The following MALRD1 variants were observed in gnomAD, a reference collection of about 807,000 sequenced individuals.
The protein encoded by MALRD1 is MAM and LDL-receptor class A domain-containing protein 1.
MALRD1 carries 247 observed loss-of-function variants against 242.1 expected under a neutral mutation model. The observed-to-expected ratio is 1.02, with a 90% CI of 0.92 to 1.13. The LOEUF (loss-of-function observed/expected upper bound fraction) is 1.13. Among genes scored for constraint, MALRD1 ranks in the 50% most tolerant of loss-of-function variants. The pLI is 0.00. For synonymous variants in MALRD1, 995 were observed against 866.6 expected (o/e 1.15, Z -2.60); for missense variants, 2,989 against 2,533.1 (o/e 1.18, Z -3.86).
intron 36 of MALRD1, among the ~76,000 whole-genome samples, chr10:19,673,067 G>A (rs2131768728): frequency 1.3e-5 from 2 of 152,110 alleles, no homozygotes; most frequent in Middle Eastern, 3.4e-3. Flanking sequence ...CTCCCACAAG[G>A]TCCTCTGCTT....
intron 10 of MALRD1, among the ~76,000 whole-genome samples, chr10:19,140,908 T>G (rs1833516232): frequency 6.6e-6 from 1 of 152,144 alleles, no homozygotes; most frequent in South Asian, 2.1e-4. Flanking sequence ...TATTGTATAC[T>G]TGAAATTTGC....
chr10:19,313,759 G>C (rs961519278), intron 21 of MALRD1, among the ~76,000 whole-genome samples: 11 of 151,370 alleles, frequency 7.3e-5, no homozygotes, highest in Admixed American at 1.3e-4. Flanking sequence ...TTTTATTCAT[G>C]TGTTTATACT....
intron 29 of MALRD1, among the ~76,000 whole-genome samples, chr10:19,474,214 G>A (rs1351839369): frequency 6.6e-6 from 1 of 152,004 alleles, no homozygotes; most frequent in African/African-American, 2.4e-5. Flanking sequence ...GTTTTAAGCA[G>A]TCATTTTTTT....
intron 4 of MALRD1, among the ~76,000 whole-genome samples, chr10:19,095,960 G>A (rs1249524601): frequency 6.6e-6 from 1 of 152,156 alleles, no homozygotes; most frequent in African/African-American, 2.4e-5. Flanking sequence ...AGTGAGATGA[G>A]AATCTTATCT....
chr10:19,405,664 C>G (rs1847064094), intron 28 of MALRD1, among the ~76,000 whole-genome samples: 2 of 152,162 alleles, frequency 1.3e-5, no homozygotes, highest in Admixed American at 1.3e-4. Flanking sequence ...TGGCTGTACT[C>G]AGAGTACAAA....
chr10:19,306,075 C>CTATATACTATATATACTATATACAA (rs1842169812), intron 21 of MALRD1, among the ~76,000 whole-genome samples: 1 of 111,804 alleles, frequency 8.9e-6, no homozygotes, highest in Admixed American at 1.1e-4. Context: ...ACTATATATA[C>CTATATACTATATATACTATATACAA]TATATACTAT....
At chr10:19,503,432 C>T (rs954139459) in intron 31 of MALRD1, among the ~76,000 whole-genome samples, 3 of 152,210 alleles carry the variant, frequency 2.0e-5, no homozygotes, top group Non-Finnish European at 2.9e-5. Context: ...CACTGCCCAT[C>T]ACAGGGCTAT....
chr10:19,657,503 A>G (rs1000377990), intron 36 of MALRD1, among the ~76,000 whole-genome samples: 2 of 152,094 alleles, frequency 1.3e-5, no homozygotes, highest in South Asian at 2.1e-4. Context: ...AGAAATGACT[A>G]CAAAGACAGT....
intron 36 of MALRD1, among the ~76,000 whole-genome samples, chr10:19,656,358 A>G (rs921033473): frequency 6.6e-6 from 1 of 152,194 alleles, no homozygotes; most frequent in African/African-American, 2.4e-5. Context: ...AATAGCCTAT[A>G]TATTCCTCTT....
intron 28 of MALRD1, among the ~76,000 whole-genome samples, chr10:19,396,601 T>C (rs1846591019): frequency 1.3e-5 from 2 of 152,220 alleles, no homozygotes; most frequent in Admixed American, 1.3e-4. Flanking sequence ...AAAACAATTC[T>C]AGCTTCTATA....
chr10:19,383,821 G>A (rs551108873), intron 26 of MALRD1, among the ~76,000 whole-genome samples: 8 of 151,852 alleles, frequency 5.3e-5, no homozygotes, highest in African/African-American at 1.9e-4. Context: ...GCTAAGCCCT[G>A]GGTCTGCAGC....
intron 32 of MALRD1, among the ~76,000 whole-genome samples, chr10:19,535,293 T>TA (rs1005534630): frequency 3.3e-5 from 5 of 152,080 alleles, no homozygotes; most frequent in African/African-American, 1.2e-4. Flanking sequence ...GGAAACACTG[T>TA]AGAACAATTA....
At chr10:19,700,019 TAGACACACACACACAC>T (rs1249063237) in intron 38 of MALRD1, among the ~76,000 whole-genome samples, 3 of 119,426 alleles carry the variant, frequency 2.5e-5, no homozygotes, top group African/African-American at 7.3e-5. Flanking sequence ...GAAATTGATT[TAGACACACACACACAC>T]ACACACACAC....
intron 2 of MALRD1, among the ~76,000 whole-genome samples, chr10:19,075,982 A>G (rs1835304654): frequency 1.3e-5 from 2 of 152,078 alleles, no homozygotes; most frequent in South Asian, 4.1e-4. Context: ...AAGAGGAACA[A>G]TTCTAAAAGT....
In MALRD1 at chr10:19,530,404, T is replaced by TTTATATAAATATATA. The variant is rs1564417312; in HGVS notation, c.5321-790_5321-789insTTATATAAATATATA. On this transcript the variant is annotated intron_variant, in intron 31 of 39. Transcript: ENST00000454679. ...ATATTATATATTTATATAAATATTA[T>TTTATATAAATATATA]ATATTTATATAATAATAAATATATA... is the stretch of plus-strand genomic sequence containing the variant. 7.5e-3 allele frequency among the ~76,000 whole-genome samples: 145 copies of TTTATATAAATATATA among 19,250 alleles called. 13 individuals carry two copies. Among genetic ancestry groups the TTTATATAAATATATA allele is most frequent in the Non-Finnish European group, 0.014 (128 of 9,316 alleles). 12.6% of individuals were successfully genotyped at this position (19,250 alleles called of 152,430 possible).
At chr10:19,400,467 A>T (rs1200206909) in intron 28 of MALRD1, among the ~76,000 whole-genome samples, 1 of 152,144 alleles carries the variant, frequency 6.6e-6, no homozygotes, top group Admixed American at 6.5e-5. Context: ...AGGCTTCATG[A>T]CGCAGACCTC....
chr10:19,175,239 A>G lies in MALRD1; in HGVS notation c.1862A>G (p.Asn621Ser). Residue 621 changes from asparagine (N) to serine (S), a missense_variant, in exon 14 of 40, where the codon AAT becomes AGT. By Grantham distance (46) the Asn-to-Ser change is conservative. Transcript: ENST00000454679. ...LILEATVLSS[N>S]ATVALDDISV... ...TTGGAAGCTACTGTTTTGTCGTCAA[A>G]TGCTACCGTTGCTCTAGATGACATC... 8.1e-7 allele frequency: 1 copy of G among 1,230,300 alleles called. No individual in the cohort carries two copies. Among genetic ancestry groups the G allele is most frequent in the Non-Finnish European group, 1.0e-6 (1 of 987,072 alleles). The allele number at this position is 1,230,300 out of a possible 1,614,324, so 76.2% of individuals were successfully genotyped here.
At chr10:19,208,746 T>C (rs1197773730) in intron 17 of MALRD1, among the ~76,000 whole-genome samples, 1 of 152,194 alleles carries the variant, frequency 6.6e-6, no homozygotes, top group Non-Finnish European at 1.5e-5. Context: ...TAACACATGA[T>C]TGTTCCCAGC....
At chr10:19,454,696 G>T (rs1835541230) in intron 29 of MALRD1, among the ~76,000 whole-genome samples, 1 of 137,852 alleles carries the variant, frequency 7.3e-6, no homozygotes. Flanking sequence ...GTAAATCGAG[G>T]ACTGTCCGTG....
Sources: allele counts gnomAD v4.1 joint callset (sites outside exome capture counted in the v4.1 genomes callset), GRCh38; gene constraint gnomAD v4.1.1; transcripts MANE v1.5; gene names NCBI Gene and HGNC (gene_info 2026-07-23, HGNC 2026-07-21).